The following AK9 variants were observed in gnomAD, a reference collection of about 807,000 sequenced individuals.
The protein encoded by AK9 is adenylate kinase 9, also known as adenylate kinase domain containing 1.
Under a neutral mutation model 239.6 loss-of-function variants are expected in AK9, and 191 were observed. The observed-to-expected ratio is 0.80, with a 90% CI of 0.71 to 0.90. The LOEUF (loss-of-function observed/expected upper bound fraction) is 0.90, where lower values mean the gene tolerates loss of function less well. AK9 is among the 40% of genes least tolerant of loss of function. The pLI is 0.00. For synonymous variants in AK9, 689 were observed against 721.0 expected, an observed-to-expected ratio of 0.96 and a Z score of 0.71; for missense variants, 1,995 against 2,214.7, an observed-to-expected ratio of 0.90 and a Z score of 1.99.
chr6:109,598,531 T>C (rs932263060), intron 17 of AK9, among the ~76,000 whole-genome samples: 10 of 152,242 alleles, frequency 6.6e-5, no homozygotes, highest in African/African-American at 2.4e-4. Flanking sequence ...CCGCAATAAA[T>C]CTACGTGTGC....
At chr6:109,690,854 C>T (rs1286736947) in intron 1 of AK9, among the ~76,000 whole-genome samples, 8 of 152,098 alleles carry the variant, frequency 5.3e-5, no homozygotes, top group Admixed American at 5.2e-4. Flanking sequence ...CACTTTCCAG[C>T]TTTAGGTGAT....
At chr6:109,567,661 C>T (rs1786761416) in intron 21 of AK9, among the ~76,000 whole-genome samples, 1 of 142,398 alleles carries the variant, frequency 7.0e-6, no homozygotes, top group Admixed American at 7.7e-5. Flanking sequence ...CATGTTTTCA[C>T]TCATAGGTGG....
intron 1 of AK9, among the ~76,000 whole-genome samples, chr6:109,685,307 C>T (rs1024494635): frequency 1.8e-4 from 27 of 152,000 alleles, no homozygotes; most frequent in African/African-American, 6.5e-4. Flanking sequence ...CTATTTACTA[C>T]AGAAAAGACT....
At chr6:109,578,885 G>A (rs1230662574) in intron 20 of AK9, among the ~76,000 whole-genome samples, 2 of 151,826 alleles carry the variant, frequency 1.3e-5, no homozygotes, top group Non-Finnish European at 2.9e-5. Context: ...ACTGTGGTCT[G>A]AGAGAGTACT....
At chr6:109,536,942 T>C (rs1319759219) in intron 27 of AK9, among the ~76,000 whole-genome samples, 5 of 152,230 alleles carry the variant, frequency 3.3e-5, no homozygotes, top group Non-Finnish European at 5.9e-5. Context: ...CCTTGCATCC[T>C]AGGGATGAAG....
intron 29 of AK9, chr6:109,528,469 T>TA (rs1464802374): frequency 9.3e-6 from 4 of 429,926 alleles, no homozygotes; most frequent in Non-Finnish European, 9.4e-6. Flanking sequence ...GGCAAATAAT[T>TA]AAGAGGAGGG....
intron 6 of AK9, among the ~76,000 whole-genome samples, chr6:109,661,973 G>C (rs915315605): frequency 6.6e-6 from 1 of 152,144 alleles, no homozygotes; most frequent in African/African-American, 2.4e-5. Flanking sequence ...CGTAATTAAT[G>C]TAGTAGTGTT....
At chr6:109,563,515 C>T in intron 24 of AK9, 82 bp downstream of exon 24, 1 of 1,503,450 alleles carries the variant, frequency 6.7e-7, no homozygotes, top group Non-Finnish European at 8.9e-7. Flanking sequence ...CACTTGGGGT[C>T]CAAAAGTGAT....
At chr6:109,506,229 T>C in intron 35 of AK9, 98 bp downstream of exon 35, 2 of 1,086,312 alleles carry the variant, frequency 1.8e-6, no homozygotes, top group Non-Finnish European at 2.7e-6. Flanking sequence ...AAGTCACGCC[T>C]GACTCATGTT....
rs138488125 is a variant in AK9 at position 109,646,211 on chromosome 6, C to T, written c.760-1523G>A. On this transcript the variant is annotated intron_variant, in intron 8 of 40. Coordinates refer to ENST00000424296, the MANE Select transcript of AK9 (RefSeq NM_001145128.3). ...CCTCCAAAGGATTGCAGCCCCTCAC[C>T]AGCAATGGAAGAAAGCTGGACGGAG... is the stretch of plus-strand genomic sequence containing the variant. Among the ~76,000 whole-genome samples, 1,510 of 152,258 alleles carry T rather than the reference C, an allele frequency of 9.9e-3. 25 individuals carry two copies. The highest frequency in any genetic ancestry group is 0.035 in the African/African-American group (1,437 of 41,548).
At chr6:109,603,717 C>T (rs1320336955) in intron 17 of AK9, among the ~76,000 whole-genome samples, 1 of 152,170 alleles carries the variant, frequency 6.6e-6, no homozygotes, top group Non-Finnish European at 1.5e-5. Flanking sequence ...TGGTGGGATC[C>T]ACCCAGTTCG....
intron 33 of AK9, among the ~76,000 whole-genome samples, chr6:109,508,771 A>G (rs1778375066): frequency 6.6e-6 from 1 of 152,134 alleles, no homozygotes; most frequent in Non-Finnish European, 1.5e-5. Flanking sequence ...AGGCACTGCT[A>G]CCCGTGCAGA....
chr6:109,612,135 A>G (rs780522868), intron 15 of AK9, 42 bp from the exon 16 acceptor site: 1 of 1,321,800 alleles, frequency 7.6e-7, no homozygotes, highest in Non-Finnish European at 1.0e-6. Context: ...ACGGTATTAA[A>G]AAAAATGTAG....
intron 17 of AK9, among the ~76,000 whole-genome samples, chr6:109,588,699 A>G (rs1789841677): frequency 6.6e-6 from 1 of 152,012 alleles, no homozygotes; most frequent in Non-Finnish European, 1.5e-5. Flanking sequence ...CTCTTTCAGG[A>G]TTTTTATAGT....
rs905317639 is a variant in AK9 at position 109,579,549 on chromosome 6, C to A, written c.2191+1G>T. 1.9e-6 allele frequency: 3 copies of A among 1,550,786 alleles called. No homozygotes were observed. In the African/African-American group the frequency reaches 4.1e-5, roughly 21 times the overall value. The stretch of plus-strand genomic sequence containing the variant: ...CATCAGTCATAGCAATCTGTGCTTG[C>A]CTTTTGCCTTCACTTTCATAAGTTC... On this transcript the variant is annotated splice_donor_variant, in intron 20 of 40. Coordinates refer to ENST00000424296, the MANE Select transcript of AK9 (RefSeq NM_001145128.3). LOFTEE classifies it high-confidence loss of function.
rs151142962 is a variant in AK9, at chr6:109,632,405, A to G, written c.1254+518T>C. 3.4e-4 allele frequency: 267 copies of G among 780,394 alleles called. 2 individuals carry two copies. The highest frequency in any genetic ancestry group is 3.0e-3 in the African/African-American group (159 of 53,034). The allele number at this position is 780,394 out of a possible 1,614,324, so 48.3% of individuals were successfully genotyped here. ...CAGCTTTGTCTTCAAATTATATCCCAAATATGCTTGTTTCATACCACTTTT... is the reference window on the plus strand; with the variant it reads ...CAGCTTTGTCTTCAAATTATATCCCGAATATGCTTGTTTCATACCACTTTT... On this transcript the variant is annotated intron_variant, in intron 12 of 40. Coordinates refer to ENST00000424296, the MANE Select transcript of AK9 (RefSeq NM_001145128.3).
At chr6:109,668,489 T>C (rs1801583021) in intron 5 of AK9, among the ~76,000 whole-genome samples, 1 of 151,444 alleles carries the variant, frequency 6.6e-6, no homozygotes, top group Admixed American at 6.6e-5. Context: ...CTGTCCTGAA[T>C]GGTATTGCCT....
intron 24 of AK9, among the ~76,000 whole-genome samples, chr6:109,562,916 A>C (rs1426050398): frequency 6.6e-6 from 1 of 152,198 alleles, no homozygotes; most frequent in Non-Finnish European, 1.5e-5. Context: ...GATGAAAGAA[A>C]AGAATCTGAA....
At chr6:109,587,433 G>A (rs1023959823) in intron 17 of AK9, among the ~76,000 whole-genome samples, 3 of 152,116 alleles carry the variant, frequency 2.0e-5, no homozygotes, top group Non-Finnish European at 4.4e-5. Flanking sequence ...GCACTGTGGT[G>A]AAGTCAGGGC....
Sources: allele counts gnomAD v4.1 joint callset (sites outside exome capture counted in the v4.1 genomes callset), GRCh38; gene constraint gnomAD v4.1.1; transcripts MANE v1.5; gene names NCBI Gene and HGNC (gene_info 2026-07-23, HGNC 2026-07-21).